Variants in TOX2 observed in about 807,000 individuals in gnomAD.
The protein encoded by TOX2 is TOX high mobility group box family member 2.
TOX2 carries 15 observed loss-of-function variants against 47.4 expected under a neutral mutation model. The ratio of observed to expected loss-of-function variants is 0.32; its 90% confidence interval spans 0.21 to 0.49. The LOEUF (loss-of-function observed/expected upper bound fraction) is 0.49, where lower values mean the gene tolerates loss of function less well. Ranked by LOEUF, TOX2 falls within the 20% of genes least tolerant of loss-of-function variation. The pLI, the probability that TOX2 is intolerant of heterozygous loss-of-function variation, is 0.99. For synonymous variants in TOX2, 290 were observed against 296.6 expected, an observed-to-expected ratio of 0.98 and a Z score of 0.23; for missense variants, 622 against 673.1, an observed-to-expected ratio of 0.92 and a Z score of 0.84.
chr20:43,953,332 A>G (rs1349137840), intron 1 of TOX2, among the ~76,000 whole-genome samples: 1 of 152,216 alleles, frequency 6.6e-6, no homozygotes, highest in East Asian at 1.9e-4. Flanking sequence ...GACCCAGTGC[A>G]TAGAAGCCGC....
At chr20:44,055,837 G>A (rs1265472463) in intron 5 of TOX2, among the ~76,000 whole-genome samples, 1 of 152,154 alleles carries the variant, frequency 6.6e-6, no homozygotes, top group Non-Finnish European at 1.5e-5. Flanking sequence ...GAAATATGGG[G>A]AAAGTAGCAG....
chr20:43,976,077 A>C (rs1404602861), intron 2 of TOX2, among the ~76,000 whole-genome samples: 1 of 152,276 alleles, frequency 6.6e-6, no homozygotes, highest in Admixed American at 6.5e-5. Context: ...CAGTGGCATG[A>C]GCCAATCTTA....
chr20:44,067,293 T>A (rs755229633), intron 8 of TOX2, among the ~76,000 whole-genome samples: 13 of 152,048 alleles, frequency 8.5e-5, no homozygotes, highest in Non-Finnish European at 1.3e-4. Context: ...AGGGGGGATG[T>A]GGCCTCAGCT....
intron 5 of TOX2, among the ~76,000 whole-genome samples, chr20:44,056,537 C>CCCT (rs1219679400): frequency 6.6e-6 from 1 of 152,160 alleles, no homozygotes; most frequent in Admixed American, 6.5e-5. Context: ...TCAGCGCAGC[C>CCCT]CAGAGGCAAG....
chr20:44,006,846 G>A, intron 3 of TOX2, 54 bp downstream of exon 3: 1 of 1,574,016 alleles, frequency 6.4e-7, no homozygotes, highest in Non-Finnish European at 8.6e-7. Flanking sequence ...GGAGGGGGTT[G>A]AGAGGGAAGC....
chr20:43,915,593 G>A lies in TOX2; in HGVS notation c.99+603G>A, dbSNP rs2069046718. On this transcript the variant is annotated intron_variant, in intron 1 of 8. Coordinates refer to ENST00000341197, the MANE Select transcript of TOX2 (RefSeq NM_001098797.2). The surrounding 1 kb of genome is among the most constrained non-coding windows in gnomAD (Gnocchi z 7.1). ...GTGAGCCTCAGACACAGATCGTCCT[G>A]ACGGCCACACAGTCACACGCGGTCA... is the stretch of plus-strand genomic sequence containing the variant. Among the ~76,000 whole-genome samples, 1 of 152,214 alleles carries A rather than the reference G, an allele frequency of 6.6e-6. No individual in the cohort carries two copies. Among genetic ancestry groups the A allele is most frequent in the South Asian group, 2.1e-4 (1 of 4,828 alleles).
At chr20:44,048,574 G>A (rs895577913) in intron 3 of TOX2, among the ~76,000 whole-genome samples, 2 of 151,286 alleles carry the variant, frequency 1.3e-5, no homozygotes, top group African/African-American at 2.4e-5. Flanking sequence ...TATCTATACT[G>A]TTCCAGGGCA....
rs2071586440 is a variant in TOX2, at chr20:44,054,663, C to T, written c.879+137C>T. Reference sequence around the variant, plus strand: ...AGAGGTCTTTCCTGGGCTCAGGTTGCCCATCTGTAAACTGGGAAGCTAGCT... The same window carrying T: ...AGAGGTCTTTCCTGGGCTCAGGTTGTCCATCTGTAAACTGGGAAGCTAGCT... On this transcript the variant is annotated intron_variant, in intron 5 of 8. Coordinates refer to ENST00000341197, the MANE Select transcript of TOX2 (RefSeq NM_001098797.2). 3.2e-6 allele frequency: 3 copies of T among 946,052 alleles called. No individual in the cohort carries two copies. In the African/African-American group the frequency reaches 5.0e-5, roughly 16 times the overall value. 58.6% of individuals were successfully genotyped at this position (946,052 alleles called of 1,614,324 possible).
At chr20:43,932,157 C>T (rs145648064) in intron 1 of TOX2, among the ~76,000 whole-genome samples, 2 of 152,260 alleles carry the variant, frequency 1.3e-5, no homozygotes, top group East Asian at 3.9e-4. Flanking sequence ...ATTTTTATGG[C>T]TCCTGATTTC....
chr20:44,024,427 C>T (rs554550122), intron 3 of TOX2, among the ~76,000 whole-genome samples: 1 of 150,578 alleles, frequency 6.6e-6, no homozygotes, highest in Non-Finnish European at 1.5e-5. Context: ...TCCCTTCTTT[C>T]TTTTTGTAGA....
chr20:43,932,401 T>C (rs1039313467), intron 1 of TOX2, among the ~76,000 whole-genome samples: 2 of 152,224 alleles, frequency 1.3e-5, no homozygotes, highest in Non-Finnish European at 2.9e-5. Context: ...GAGTTATGTT[T>C]GCCATTGTGG....
chr20:43,941,309 G>C (rs1229273980), intron 1 of TOX2, among the ~76,000 whole-genome samples: 1 of 151,152 alleles, frequency 6.6e-6, no homozygotes, highest in Non-Finnish European at 1.5e-5. Flanking sequence ...TTGGATAATA[G>C]GTGGTTTTAA....
intron 1 of TOX2, among the ~76,000 whole-genome samples, chr20:43,926,208 C>T (rs742641): frequency 0.023 from 3,490 of 152,206 alleles, 136 homozygotes; most frequent in African/African-American, 0.081. Context: ...ACCCTGGGCC[C>T]TTTATGTCTC....
chr20:43,929,966 C>T (rs2069231858), intron 1 of TOX2, among the ~76,000 whole-genome samples: 1 of 152,218 alleles, frequency 6.6e-6, no homozygotes, highest in Admixed American at 6.5e-5. Context: ...CCTCGGCCTC[C>T]CGAAGCGCTG....
chr20:43,972,544 A>G (rs529824418), intron 1 of TOX2, among the ~76,000 whole-genome samples: 1 of 152,312 alleles, frequency 6.6e-6, no homozygotes, highest in African/African-American at 2.4e-5. Context: ...AGTCCTCTCC[A>G]TATTAATGTG....
chr20:43,974,870 A>G (rs1207001547), intron 2 of TOX2, among the ~76,000 whole-genome samples: 1 of 152,170 alleles, frequency 6.6e-6, no homozygotes, highest in Non-Finnish European at 1.5e-5. Flanking sequence ...CCACCATACC[A>G]TGCCCCTCTC....
At position 44,068,669 on chromosome 20, in the gene TOX2, T is replaced by C; in HGVS notation, c.1504T>C (p.Ser502Pro). 6.2e-7 allele frequency: 1 copy of C among 1,613,466 alleles called. No homozygotes were observed. The highest frequency in any genetic ancestry group is 1.3e-5 in the African/African-American group (1 of 74,962). ...TCACAGCCTGCTCCCCAGGGACAAA[T>C]CGCTCTACCTCACCTAATCCCGCCT... ...STCSLLPRDK[S>P]LYLT The change falls in exon 9 of 9, where the codon TCG becomes CCG. Residue 502 changes from serine (S) to proline (P), a missense_variant. Coordinates refer to ENST00000341197, the MANE Select transcript of TOX2 (RefSeq NM_001098797.2).
chr20:43,977,354 G>C (rs570963551), intron 2 of TOX2, among the ~76,000 whole-genome samples: 3 of 152,074 alleles, frequency 2.0e-5, no homozygotes, highest in African/African-American at 7.2e-5. Flanking sequence ...TAAGTGATCC[G>C]CCCACCTCGG....
intron 2 of TOX2, among the ~76,000 whole-genome samples, chr20:44,006,339 G>C (rs1394722639): frequency 6.6e-6 from 1 of 152,206 alleles, no homozygotes; most frequent in East Asian, 1.9e-4. Flanking sequence ...AGAGCCTCTG[G>C]TGGGAGGAAA....
Sources: allele counts gnomAD v4.1 joint callset (sites outside exome capture counted in the v4.1 genomes callset), GRCh38; gene constraint gnomAD v4.1.1; non-coding constraint Gnocchi (gnomAD v3.1); transcripts MANE v1.5; gene names NCBI Gene and HGNC (gene_info 2026-07-23, HGNC 2026-07-21).